The following DIAPH2 variants were observed in gnomAD, a reference collection of about 807,000 sequenced individuals.
The protein encoded by DIAPH2 is protein diaphanous homolog 2.
A neutral mutation model predicts 92.7 loss-of-function variants in DIAPH2; 35 were observed. The observed-to-expected ratio is 0.38, with a 90% CI of 0.29 to 0.50. The LOEUF (loss-of-function observed/expected upper bound fraction) is 0.50, where lower values mean the gene tolerates loss of function less well. Among genes scored for constraint, DIAPH2 ranks in the 20% least tolerant of loss-of-function variants. The probability of loss-of-function intolerance (pLI) is 0.94; values close to 1 mark genes in which losing one functional copy is unlikely to be tolerated. For missense variants in DIAPH2, 701 were observed against 819.5 expected (o/e 0.86, Z 1.77); for synonymous variants, 301 against 280.4 (o/e 1.07, Z -0.73).
chrX:97,462,037 G>A (rs781684713), intron 26 of DIAPH2, among the ~76,000 whole-genome samples: 27 of 111,321 alleles, frequency 2.4e-4, no homozygotes, highest in African/African-American at 3.3e-4. Flanking sequence ...GTTTATGTGC[G>A]TAATGAAAAT....
intron 25 of DIAPH2, among the ~76,000 whole-genome samples, chrX:97,396,446 C>T (rs5920912): frequency 0.03 from 3,357 of 110,417 alleles, 37 homozygotes; most frequent in Middle Eastern, 0.047. Flanking sequence ...CTGAGGCGGG[C>T]AGATCATCTG....
intron 26 of DIAPH2, among the ~76,000 whole-genome samples, chrX:97,502,991 A>C (rs916157229): frequency 8.9e-6 from 1 of 112,199 alleles, no homozygotes; most frequent in Non-Finnish European, 1.9e-5. Flanking sequence ...TTTGCAGGAA[A>C]ATATTGTATT....
At chrX:97,199,727 A>C (rs1945633142) in intron 22 of DIAPH2, among the ~76,000 whole-genome samples, 1 of 111,351 alleles carries the variant, frequency 9.0e-6, no homozygotes, top group Admixed American at 9.6e-5. Context: ...ATAGCAACTT[A>C]ATCCTTTGGC....
intron 4 of DIAPH2, among the ~76,000 whole-genome samples, chrX:96,777,512 TG>T (rs1015884221): frequency 9.0e-5 from 10 of 110,833 alleles, no homozygotes; most frequent in South Asian, 3.8e-4. Flanking sequence ...TATTTTGGGA[TG>T]GGGGGGTTCT....
chrX:97,197,980 C>T (rs188794720), intron 22 of DIAPH2, among the ~76,000 whole-genome samples: 2 of 111,190 alleles, frequency 1.8e-5, no homozygotes, highest in Admixed American at 1.9e-4. Context: ...TATTCTAAAG[C>T]AAGCCAGTTA....
At chrX:97,287,952 C>CAAAAAAAAAAAAAAA (rs748309881) in intron 23 of DIAPH2, among the ~76,000 whole-genome samples, 5 of 39,789 alleles carry the variant, frequency 1.3e-4, no homozygotes, top group African/African-American at 5.5e-4. Context: ...GACTCTGTCT[C>CAAAAAAAAAAAAAAA]AAAAAAAAAA....
chrX:97,552,572 T>C (rs1206985849), intron 26 of DIAPH2, among the ~76,000 whole-genome samples: 2 of 110,191 alleles, frequency 1.8e-5, no homozygotes, highest in Non-Finnish European at 3.8e-5. Flanking sequence ...TTTCTTTTTT[T>C]TTTTTTTCCT....
At chrX:97,373,505 G>A (rs966200877) in intron 24 of DIAPH2, among the ~76,000 whole-genome samples, 1 of 108,130 alleles carries the variant, frequency 9.2e-6, no homozygotes, top group Non-Finnish European at 1.9e-5. Flanking sequence ...ACTACAACAA[G>A]GAAGAAAGAG....
chrX:97,502,468 G>A (rs1210241286), intron 26 of DIAPH2, among the ~76,000 whole-genome samples: 1 of 112,126 alleles, frequency 8.9e-6, no homozygotes, highest in Non-Finnish European at 1.9e-5. Flanking sequence ...ACCATTAAAT[G>A]TTAGAAATGT....
intron 26 of DIAPH2, among the ~76,000 whole-genome samples, chrX:97,471,641 G>A (rs1003004231): frequency 2.3e-5 from 2 of 86,776 alleles, no homozygotes; most frequent in African/African-American, 9.2e-5. Context: ...AGTGAGCCAA[G>A]ATCGCGCCAT....
chrX:96,778,118 T>A (rs1376077056), intron 4 of DIAPH2, among the ~76,000 whole-genome samples: 2 of 101,955 alleles, frequency 2.0e-5, no homozygotes, highest in Non-Finnish European at 4.0e-5. Context: ...CACCTATGAG[T>A]GAGAACATGT....
intron 22 of DIAPH2, among the ~76,000 whole-genome samples, chrX:97,204,426 C>T (rs994916966): frequency 9.0e-6 from 1 of 111,575 alleles, no homozygotes; most frequent in Non-Finnish European, 1.9e-5. Flanking sequence ...AAAACCCCAT[C>T]GTCTCAGCCC....
At chrX:97,244,184 G>A (rs756545515) in intron 22 of DIAPH2, among the ~76,000 whole-genome samples, 2 of 111,979 alleles carry the variant, frequency 1.8e-5, no homozygotes, top group East Asian at 5.6e-4. Context: ...TGTGAAATTC[G>A]GGAGGACAGA....
At chrX:96,914,547 C>T (rs1040622400) in intron 7 of DIAPH2, among the ~76,000 whole-genome samples, 32 of 111,068 alleles carry the variant, frequency 2.9e-4, no homozygotes, top group Non-Finnish European at 4.4e-4. Flanking sequence ...AGCTATAGGA[C>T]ACTTTGTTCT....
chrX:96,741,363 C>G (rs1394389874), intron 3 of DIAPH2, among the ~76,000 whole-genome samples: 3 of 109,339 alleles, frequency 2.7e-5, no homozygotes. Context: ...CTCTTCTAAA[C>G]TCACTCCAAC....
chrX:97,550,390 A>G (rs1039144184), intron 26 of DIAPH2, among the ~76,000 whole-genome samples: 2 of 112,299 alleles, frequency 1.8e-5, no homozygotes, highest in African/African-American at 6.5e-5. Context: ...AATATGTATT[A>G]TATAAGTTAG....
chrX:97,247,882 CTA>C (rs760442511), intron 23 of DIAPH2, 43 bp downstream of exon 23: 90 of 1,127,474 alleles, frequency 8.0e-5, no homozygotes, highest in Non-Finnish European at 9.8e-5. Context: ...TTTTTAGTCT[CTA>C]TGTCTGTCTG....
intron 21 of DIAPH2, among the ~76,000 whole-genome samples, chrX:97,117,999 G>A (rs1414577409): frequency 1.8e-5 from 2 of 110,156 alleles, no homozygotes; most frequent in African/African-American, 6.6e-5. Context: ...TATATAATCT[G>A]CATAAGGACA....
intron 1 of DIAPH2, among the ~76,000 whole-genome samples, chrX:96,709,495 T>A (rs1169213571): frequency 8.9e-6 from 1 of 112,098 alleles, no homozygotes; most frequent in Non-Finnish European, 1.9e-5. Context: ...CCAGTTTCTA[T>A]CTTCTAAAGA....
Sources: gnomAD v4.1 joint callset for allele counts (sites outside exome capture counted in the v4.1 genomes callset) on GRCh38, gnomAD v4.1.1 for gene constraint, MANE v1.5 for transcripts, NCBI Gene and HGNC (gene_info 2026-07-23, HGNC 2026-07-21) for gene names.